The following ANTXR2 variants were observed in gnomAD, a reference collection of about 807,000 sequenced individuals.
The protein encoded by ANTXR2 is anthrax toxin receptor 2.
ANTXR2 carries 44 observed loss-of-function variants against 73.7 expected under a neutral mutation model. The ratio of observed to expected loss-of-function variants is 0.60; its 90% confidence interval spans 0.47 to 0.77. The LOEUF (loss-of-function observed/expected upper bound fraction) is 0.77, where lower values mean the gene tolerates loss of function less well. Among genes scored for constraint, ANTXR2 ranks in the 30% least tolerant of loss-of-function variants. The probability of loss-of-function intolerance (pLI) is 0.00; values close to 1 mark genes in which losing one functional copy is unlikely to be tolerated. For synonymous variants in ANTXR2, 217 were observed against 205.9 expected, an observed-to-expected ratio of 1.05 and a Z score of -0.46; for missense variants, 604 against 592.5, an observed-to-expected ratio of 1.02 and a Z score of -0.20.
At chr4:79,975,622 C>T (rs1441055798) in intron 16 of ANTXR2, among the ~76,000 whole-genome samples, 2 of 152,134 alleles carry the variant, frequency 1.3e-5, no homozygotes, top group African/African-American at 4.8e-5. Flanking sequence ...AAACTAGTGT[C>T]TAACCTGGGG....
chr4:79,995,007 T>C (rs1219003140), intron 12 of ANTXR2, among the ~76,000 whole-genome samples: 2 of 151,922 alleles, frequency 1.3e-5, no homozygotes, highest in African/African-American at 4.8e-5. Flanking sequence ...TTCCCCCAAA[T>C]ACAATGATCA....
At chr4:80,026,939 T>A (rs1411080598) in intron 10 of ANTXR2, among the ~76,000 whole-genome samples, 1 of 152,044 alleles carries the variant, frequency 6.6e-6, no homozygotes, top group Non-Finnish European at 1.5e-5. Context: ...GCAGATGAGG[T>A]GAACTTATCA....
In ANTXR2 at chr4:79,978,189, G is replaced by C; in HGVS notation, c.1180-15C>G. 1 of 1,612,740 alleles carries C rather than the reference G, an allele frequency of 6.2e-7. No homozygotes were observed. The highest frequency in any genetic ancestry group is 8.5e-7 in the Non-Finnish European group (1 of 1,179,186). ...CCCCAACGAACCTGTAAAACAAAGG[G>C]AGAGTACTGTTATCAGACATAAAGT... On this transcript the variant is annotated splice_polypyrimidine_tract_variant and intron_variant, in intron 14 of 16. Coordinates refer to ENST00000403729, the MANE Select transcript of ANTXR2 (RefSeq NM_058172.6).
At chr4:79,922,017 A>G (rs1331748898) in intron 16 of ANTXR2, among the ~76,000 whole-genome samples, 3 of 152,106 alleles carry the variant, frequency 2.0e-5, no homozygotes, top group East Asian at 3.8e-4. Context: ...AAAATGATGT[A>G]TATGTTTTAA....
chr4:79,975,914 CTT>C (rs528899255), intron 16 of ANTXR2, among the ~76,000 whole-genome samples: 3 of 135,738 alleles, frequency 2.2e-5, no homozygotes. Context: ...TCAAATTACA[CTT>C]TTTTTTTTTT....
intron 16 of ANTXR2, among the ~76,000 whole-genome samples, chr4:79,952,468 T>A (rs1728743255): frequency 6.6e-6 from 1 of 151,828 alleles, no homozygotes; most frequent in African/African-American, 2.4e-5. Context: ...TTTTCCTTTG[T>A]CTAATCTTAC....
chr4:79,993,947 A>G (rs62298614), intron 12 of ANTXR2, among the ~76,000 whole-genome samples: 7,145 of 151,756 alleles, frequency 0.047, 239 homozygotes, highest in Non-Finnish European at 0.069. Flanking sequence ...TTTTAATCAC[A>G]TATTGATTTG....
intron 16 of ANTXR2, among the ~76,000 whole-genome samples, chr4:79,930,921 T>C (rs1728030186): frequency 2.0e-5 from 3 of 152,302 alleles, no homozygotes; most frequent in African/African-American, 7.2e-5. Context: ...GATATGAGAG[T>C]TGTTGATCTA....
intron 16 of ANTXR2, among the ~76,000 whole-genome samples, chr4:79,964,269 CTT>C (rs1213848181): frequency 6.6e-6 from 1 of 152,194 alleles, no homozygotes; most frequent in Admixed American, 6.5e-5. Flanking sequence ...GCGCTTTCTT[CTT>C]TCTTTGCCTT....
rs145026369 is a variant in ANTXR2 at position 80,053,737 on chromosome 4, A to C, written c.636+535T>G. Among the ~76,000 whole-genome samples, 606 of 151,864 alleles carry C rather than the reference A, an allele frequency of 4.0e-3. 4 individuals carry two copies. The highest frequency in any genetic ancestry group is 0.014 in the African/African-American group (582 of 41,512). ...CCCCAAACCCTGTTTAGGATAGCCT[A>C]GATTCTAATGATCACTAGAGACAGC... On this transcript the variant is annotated intron_variant, in intron 7 of 16. Coordinates refer to ENST00000403729, the MANE Select transcript of ANTXR2 (RefSeq NM_058172.6).
At chr4:80,063,108 A>C (rs1227637004) in intron 3 of ANTXR2, among the ~76,000 whole-genome samples, 1 of 152,210 alleles carries the variant, frequency 6.6e-6, no homozygotes, top group African/African-American at 2.4e-5. Context: ...ATAAATACCC[A>C]TTGTGTTCTC....
intron 7 of ANTXR2, among the ~76,000 whole-genome samples, chr4:80,052,566 A>C (rs1207861549): frequency 2.0e-5 from 3 of 151,666 alleles, no homozygotes; most frequent in Admixed American, 6.6e-5. Context: ...TTTCCTAAGA[A>C]TAATTTACTC....
chr4:79,974,222 T>C (rs1001459850), intron 16 of ANTXR2, among the ~76,000 whole-genome samples: 13 of 152,082 alleles, frequency 8.5e-5, no homozygotes, highest in African/African-American at 3.1e-4. Context: ...AATAAAAATT[T>C]GCAGGTAAGA....
chr4:79,917,739 G>A (rs967128978), intron 16 of ANTXR2, among the ~76,000 whole-genome samples: 7 of 151,942 alleles, frequency 4.6e-5, no homozygotes, highest in African/African-American at 1.7e-4. Flanking sequence ...AGTGGTATGT[G>A]CTTTTCTAAG....
At chr4:80,041,587 C>A (rs551147710) in intron 7 of ANTXR2, among the ~76,000 whole-genome samples, 2 of 152,142 alleles carry the variant, frequency 1.3e-5, no homozygotes, top group Non-Finnish European at 2.9e-5. Context: ...GCCCGGCACA[C>A]ATTAGCTATT....
chr4:79,985,340 A>G (rs1455439068), intron 12 of ANTXR2, among the ~76,000 whole-genome samples: 1 of 149,156 alleles, frequency 6.7e-6, no homozygotes, highest in Admixed American at 6.7e-5. Context: ...ACAGAGAGAG[A>G]CTCTGTCTCA....
intron 12 of ANTXR2, among the ~76,000 whole-genome samples, chr4:79,993,172 A>G (rs1730554259): frequency 6.6e-6 from 1 of 151,994 alleles, no homozygotes; most frequent in Non-Finnish European, 1.5e-5. Flanking sequence ...TGTCTAGCAC[A>G]AATTAGACTT....
chr4:80,045,708 A>C (rs1347345406), intron 7 of ANTXR2, among the ~76,000 whole-genome samples: 1 of 151,792 alleles, frequency 6.6e-6, no homozygotes, highest in Non-Finnish European at 1.5e-5. Context: ...GTCTAACAAA[A>C]TGAAGCTTTA....
chr4:79,978,513 T>C (rs1168854196), intron 14 of ANTXR2, among the ~76,000 whole-genome samples: 1 of 152,222 alleles, frequency 6.6e-6, no homozygotes, highest in African/African-American at 2.4e-5. Flanking sequence ...CTAATTTGGT[T>C]TGTTCCCCTG....
Sources: gnomAD v4.1 joint callset for allele counts (sites outside exome capture counted in the v4.1 genomes callset) on GRCh38, gnomAD v4.1.1 for gene constraint, MANE v1.5 for transcripts, NCBI Gene and HGNC (gene_info 2026-07-23, HGNC 2026-07-21) for gene names.